MLLT10: variants seen among roughly 807,000 people sequenced by gnomAD.
MLLT10 encodes the protein protein AF-10.
In MLLT10, 30 loss-of-function variants were observed where a neutral mutation model predicts 129.1. The observed-to-expected ratio is 0.23, with a 90% CI of 0.17 to 0.32. The LOEUF (loss-of-function observed/expected upper bound fraction) is 0.32. Ranked by LOEUF, MLLT10 falls within the 10% of genes least tolerant of loss-of-function variation. The probability of loss-of-function intolerance (pLI) is 1.00; values close to 1 mark genes in which losing one functional copy is unlikely to be tolerated. For missense variants in MLLT10, 1,119 were observed against 1,268.3 expected, an observed-to-expected ratio of 0.88 and a Z score of 1.79; for synonymous variants, 490 against 446.4, an observed-to-expected ratio of 1.10 and a Z score of -1.23.
At chr10:21,695,784 A>T (rs148680575) in intron 13 of MLLT10, among the ~76,000 whole-genome samples, 64 of 152,232 alleles carry the variant, frequency 4.2e-4, no homozygotes, top group Non-Finnish European at 6.6e-4. Context: ...TCTTATGTTA[A>T]TTTAATGTTG....
intron 9 of MLLT10, among the ~76,000 whole-genome samples, chr10:21,652,377 A>G (rs2049130307): frequency 6.6e-6 from 1 of 152,158 alleles, no homozygotes; most frequent in South Asian, 2.1e-4. Flanking sequence ...CTTGCCACTT[A>G]CTGATTGAGT....
intron 21 of MLLT10, among the ~76,000 whole-genome samples, chr10:21,736,316 GCT>G (rs1215350863): frequency 6.6e-6 from 1 of 152,170 alleles, no homozygotes; most frequent in Non-Finnish European, 1.5e-5. Context: ...AGGGAGTTTT[GCT>G]CTGTCGCCCA....
chr10:21,628,338 G>C (rs1187323705), intron 8 of MLLT10, among the ~76,000 whole-genome samples: 1 of 151,976 alleles, frequency 6.6e-6, no homozygotes, highest in East Asian at 1.9e-4. Flanking sequence ...AGTGGGTCAG[G>C]AATTTGGATT....
intron 3 of MLLT10, among the ~76,000 whole-genome samples, chr10:21,566,845 C>T (rs981647880): frequency 1.3e-5 from 2 of 150,900 alleles, no homozygotes; most frequent in African/African-American, 4.9e-5. Flanking sequence ...CGAAGTTTCG[C>T]TCTTGTTGCC....
At chr10:21,625,433 A>G in intron 8 of MLLT10, 1 of 892,212 alleles carries the variant, frequency 1.1e-6, no homozygotes, top group Non-Finnish European at 1.9e-6. Flanking sequence ...CACAAAGAAT[A>G]CTTTTACCTT....
rs2054760626 is a variant in MLLT10, at chr10:21,700,090, T to C, written c.1700-13682T>C. On this transcript the variant is annotated intron_variant, in intron 13 of 22. Transcript: ENST00000307729. ...ATTTTTCTTGTAGAGATCTTTCACCTACTCGGTTAAATGTATTCTTTTTTT... is the reference window on the plus strand; with the variant it reads ...ATTTTTCTTGTAGAGATCTTTCACCCACTCGGTTAAATGTATTCTTTTTTT... 2.6e-5 allele frequency among the ~76,000 whole-genome samples: 4 copies of C among 151,714 alleles called. No individual in the cohort carries two copies. The South Asian group carries it at 6.2e-4, about 24-fold the overall frequency.
intron 8 of MLLT10, among the ~76,000 whole-genome samples, chr10:21,634,405 T>G (rs1564546981): frequency 6.6e-6 from 1 of 152,216 alleles, no homozygotes; most frequent in Non-Finnish European, 1.5e-5. Context: ...TGTCTTGTTC[T>G]CAGTGCATTG....
At chr10:21,729,646 G>A (rs530958538) in intron 16 of MLLT10, among the ~76,000 whole-genome samples, 2 of 152,318 alleles carry the variant, frequency 1.3e-5, no homozygotes, top group Non-Finnish European at 2.9e-5. Context: ...CACCTCACCA[G>A]CAGTGTGTCT....
intron 16 of MLLT10, among the ~76,000 whole-genome samples, chr10:21,730,216 AC>A (rs2131570241): frequency 6.6e-6 from 1 of 150,808 alleles, no homozygotes; most frequent in African/African-American, 2.4e-5. Flanking sequence ...GATTGCTTGA[AC>A]CCAGGACCCA....
chr10:21,551,775 A>G, intron 3 of MLLT10: 1 of 396,802 alleles, frequency 2.5e-6, no homozygotes, highest in Non-Finnish European at 4.8e-6. Flanking sequence ...TTTTAAATTA[A>G]GTCTAATAGT....
At chr10:21,669,113 TC>T in intron 9 of MLLT10, 2 of 1,270,068 alleles carry the variant, frequency 1.6e-6, no homozygotes, top group Non-Finnish European at 1.0e-6. Context: ...ATTTTTTTTT[TC>T]CTTTTAAACT....
chr10:21,732,652 T>G (rs2058060614), intron 17 of MLLT10, among the ~76,000 whole-genome samples: 1 of 152,214 alleles, frequency 6.6e-6, no homozygotes, highest in Non-Finnish European at 1.5e-5. Context: ...TTTTTTGGTA[T>G]GTGGCAACAA....
At chr10:21,730,709 G>A (rs1168767283) in intron 16 of MLLT10, among the ~76,000 whole-genome samples, 191 bp from the exon 17 acceptor site, 3 of 151,990 alleles carry the variant, frequency 2.0e-5, no homozygotes, top group African/African-American at 7.3e-5. Context: ...TATAATATTG[G>A]GAGGAAGAAT....
At chr10:21,605,454 A>G (rs913405026) in intron 5 of MLLT10, among the ~76,000 whole-genome samples, 5 of 152,022 alleles carry the variant, frequency 3.3e-5, no homozygotes, top group South Asian at 2.1e-4. Context: ...TTTATTTTAT[A>G]TATTTTTTTG....
intron 13 of MLLT10, among the ~76,000 whole-genome samples, chr10:21,696,575 C>G (rs1319844412): frequency 6.6e-6 from 1 of 152,070 alleles, no homozygotes; most frequent in Non-Finnish European, 1.5e-5. Context: ...TTGTCTTTGT[C>G]TAGGAACTTC....
In MLLT10 at chr10:21,536,617, C is replaced by G. The variant is rs185072226; in HGVS notation, c.160+1813C>G. On this transcript the variant is annotated intron_variant, in intron 2 of 22. Transcript: ENST00000307729. ...TGAGACAGGGTCTCACTTTGTGGCT[C>G]AGGCTGGCATGCAGGGTGCTATTAC... is the stretch of plus-strand genomic sequence containing the variant. Among the ~76,000 whole-genome samples, 134 of 152,284 alleles carry G rather than the reference C, an allele frequency of 8.8e-4. 1 individual carries two copies. Among genetic ancestry groups the G allele is most frequent in the Non-Finnish European group, 2.6e-4 (18 of 68,018 alleles).
In MLLT10 at chr10:21,733,021, C is replaced by G. The variant is rs1254258106; in HGVS notation, c.2341C>G (p.Pro781Ala). The change falls in exon 18 of 23, where the codon CCT (proline) becomes GCT (alanine). Residue 781 changes from proline (P) to alanine (A), a missense_variant. This residue lies in a region of MLLT10 where 1,004 missense variants were observed against 1,008.7 expected (regional missense o/e 1.00). Coordinates refer to ENST00000307729, the MANE Select transcript of MLLT10 (RefSeq NM_001195626.3). ...GTTATTGAATGCACAGCTTTCAGTG[C>G]CTTTTCCAACAATAACAGCAAATCC... ...LQLLNAQLSV[P>A]FPTITANPSP... 6.2e-7 allele frequency: 1 copy of G among 1,613,768 alleles called. No individual in the cohort carries two copies. The highest frequency in any genetic ancestry group is 1.1e-5 in the South Asian group (1 of 91,026).
chr10:21,689,147 T>G (rs1276820607), intron 13 of MLLT10, among the ~76,000 whole-genome samples: 2 of 152,140 alleles, frequency 1.3e-5, no homozygotes, highest in Non-Finnish European at 2.9e-5. Context: ...TTTTATCATT[T>G]GACAAGAATA....
At chr10:21,711,834 C>G (rs1315017437) in intron 13 of MLLT10, among the ~76,000 whole-genome samples, 2 of 152,176 alleles carry the variant, frequency 1.3e-5, no homozygotes, top group Non-Finnish European at 2.9e-5. Context: ...TTTTCTCACT[C>G]CAGGTCTGAA....
Sources: allele counts gnomAD v4.1 joint callset (sites outside exome capture counted in the v4.1 genomes callset), GRCh38; gene constraint gnomAD v4.1.1; regional missense constraint gnomAD v4.1.1; transcripts MANE v1.5; gene names NCBI Gene and HGNC (gene_info 2026-07-23, HGNC 2026-07-21).